The following HACL1 variants were observed in gnomAD, a reference collection of about 807,000 sequenced individuals.
HACL1 encodes 2-hydroxyacyl-CoA lyase 1.
A neutral mutation model predicts 74.2 loss-of-function variants in HACL1; 64 were observed. The observed-to-expected ratio is 0.86, with a 90% confidence interval of 0.70 to 1.06. The LOEUF (loss-of-function observed/expected upper bound fraction) is 1.06, where lower values mean the gene tolerates loss of function less well. Among genes scored for constraint, HACL1 ranks in the 50% least tolerant of loss-of-function variants. The probability of loss-of-function intolerance (pLI) is 0.00; values close to 1 mark genes in which losing one functional copy is unlikely to be tolerated. For missense variants in HACL1, 728 were observed against 719.7 expected, an observed-to-expected ratio of 1.01 and a Z score of -0.13; for synonymous variants, 230 against 238.8, an observed-to-expected ratio of 0.96 and a Z score of 0.34.
At chr3:15,563,156 CTGGTTTGG>C (rs2063373079) in intron 16 of HACL1, among the ~76,000 whole-genome samples, 194 bp downstream of exon 16, 5 of 152,170 alleles carry the variant, frequency 3.3e-5, no homozygotes, top group Admixed American at 3.3e-4. Flanking sequence ...AGGACCGAGC[CTGGTTTGG>C]CTCACCATGC....
Position 15,571,784 on chromosome 3 carries a change from A to AC in HACL1, c.994-16_994-15insG, listed in dbSNP as rs201026573. ...TCCTCTAAAAGCTTAAAAAAAAAAA[A>AC]ACACACACACACAAACACATAAACT... On this transcript the variant is annotated splice_polypyrimidine_tract_variant and intron_variant, in intron 11 of 16. Coordinates refer to ENST00000321169, the MANE Select transcript of HACL1 (RefSeq NM_012260.4). The AC allele has an allele frequency of 4.0e-3, 3,585 of 899,598 alleles. 59 individuals carry two copies. In the African/African-American group the frequency reaches 0.043, roughly 11 times the overall value. 55.7% of individuals were successfully genotyped at this position (899,598 alleles called of 1,614,324 possible).
chr3:15,575,189 A>G, intron 9 of HACL1, 107 bp from the exon 10 acceptor site: 1 of 591,478 alleles, frequency 1.7e-6, no homozygotes, highest in South Asian at 2.5e-5. Flanking sequence ...AGCTTACATC[A>G]GACTTCAGAA....
At chr3:15,574,914 C>T (rs1007473385) in intron 10 of HACL1, 63 bp downstream of exon 10, 25 of 742,718 alleles carry the variant, frequency 3.4e-5, no homozygotes, top group Middle Eastern at 2.4e-4. Context: ...GAGCTGATTA[C>T]GGCTGATAGG....
In HACL1 at chr3:15,563,619, T is replaced by C. The variant is rs969595810; in HGVS notation, c.1518-75A>G. On this transcript the variant is annotated intron_variant, in intron 15 of 16. Transcript: ENST00000321169. The stretch of plus-strand genomic sequence containing the variant: ...GAAAAAAAGTCATTCTCTGAAATAC[T>C]TCATTAAAAAAATTTCAGCTGAACT... 6 of 926,754 alleles carry C rather than the reference T, an allele frequency of 6.5e-6. No individual in the cohort carries two copies. The African/African-American group carries it at 8.4e-5, about 13-fold the overall frequency. The allele number at this position is 926,754 out of a possible 1,614,324, so 57.4% of individuals were successfully genotyped here. A position where few individuals can be genotyped will look rare whatever the true frequency, so the allele number is the denominator to read the frequency against.
At chr3:15,596,963 A>G (rs929418638) in intron 2 of HACL1, among the ~76,000 whole-genome samples, 2 of 152,116 alleles carry the variant, frequency 1.3e-5, no homozygotes, top group Non-Finnish European at 2.9e-5. Flanking sequence ...TTTACTAATA[A>G]TTTGTTTAAA....
rs2063597940 is a variant in HACL1 at position 15,574,995 on chromosome 3, T to C, written c.891A>G (p.Pro297=). 6.5e-7 allele frequency: 1 copy of C among 1,536,640 alleles called. No homozygotes were observed. The highest frequency in any genetic ancestry group is 2.2e-5 in the East Asian group (1 of 44,448). The change falls in exon 10 of 17, where the codon CCA becomes CCG. Residue 297 remains proline, a synonymous_variant. Coordinates refer to ENST00000321169, the MANE Select transcript of HACL1 (RefSeq NM_012260.4). ...TAAGTACCTGGATAAACTTCACATC[T>C]GGCTGATATCTTGGAGGCAGTCCAA... ...LHFGLPPRYQ[P]DVKFIQVDIC... is the part of the protein sequence containing the mutation.
At chr3:15,580,954 C>T (rs187556092) in intron 8 of HACL1, among the ~76,000 whole-genome samples, 218 of 152,346 alleles carry the variant, frequency 1.4e-3, no homozygotes, top group African/African-American at 4.8e-3. Context: ...CAGGCTGGAG[C>T]GCAATGGCGC....
In HACL1 at chr3:15,596,280, AT is replaced by A. The variant is rs902070376; in HGVS notation, c.227+103del. The A allele has an allele frequency of 2.5e-5, 17 of 686,832 alleles. No individual in the cohort carries two copies. In the African/African-American group the frequency reaches 2.7e-4, roughly 11 times the overall value. The allele number at this position is 686,832 out of a possible 1,614,324, so 42.5% of individuals were successfully genotyped here. On this transcript the variant is annotated intron_variant, in intron 3 of 16. Coordinates refer to ENST00000321169, the MANE Select transcript of HACL1 (RefSeq NM_012260.4). Reference sequence around the variant, plus strand: ...TTTTTTATCCTTTGTTATTTAATATATTTTTCTATAATCTTTCCAAATGAAC... The same window carrying A: ...TTTTTTATCCTTTGTTATTTAATATATTTTCTATAATCTTTCCAAATGAAC...
intron 2 of HACL1, among the ~76,000 whole-genome samples, chr3:15,599,402 G>C (rs1339505008): frequency 6.6e-6 from 1 of 152,046 alleles, no homozygotes; most frequent in Non-Finnish European, 1.5e-5. Flanking sequence ...TCGTAGCTGG[G>C]ATTACTGGCA....
chr3:15,583,275 A>G (rs1407472367), intron 7 of HACL1, among the ~76,000 whole-genome samples: 1 of 152,224 alleles, frequency 6.6e-6, no homozygotes, highest in Non-Finnish European at 1.5e-5. Flanking sequence ...ATATTCAACT[A>G]TCACATCATT....
At chr3:15,565,152 A>G (rs1210827549) in intron 14 of HACL1, among the ~76,000 whole-genome samples, 1 of 152,028 alleles carries the variant, frequency 6.6e-6, no homozygotes, top group Non-Finnish European at 1.5e-5. Flanking sequence ...GTAACAGAGC[A>G]AGACTCCATC....
At chr3:15,598,289 GGGATTAC>G (rs2064109446) in intron 2 of HACL1, among the ~76,000 whole-genome samples, 1 of 152,134 alleles carries the variant, frequency 6.6e-6, no homozygotes, top group Non-Finnish European at 1.5e-5. Context: ...CCAAAGTGCT[GGGATTAC>G]AGGCGTGAGC....
chr3:15,601,329 G>A, intron 1 of HACL1, 54 bp downstream of exon 1: 1 of 1,609,134 alleles, frequency 6.2e-7, no homozygotes, highest in East Asian at 2.2e-5. Flanking sequence ...AGACAACATC[G>A]CGGTCCCCGC....
intron 16 of HACL1, among the ~76,000 whole-genome samples, chr3:15,562,385 G>A (rs1053913601): frequency 6.6e-6 from 1 of 152,160 alleles, no homozygotes; most frequent in Non-Finnish European, 1.5e-5. Context: ...CTGCTAGGAA[G>A]TAAATGCCAA....
intron 12 of HACL1, among the ~76,000 whole-genome samples, chr3:15,570,524 C>G (rs1013817125): frequency 6.6e-6 from 1 of 150,694 alleles, no homozygotes; most frequent in Non-Finnish European, 1.5e-5. Context: ...GGTGGAATCA[C>G]GCATAAGACA....
At position 15,601,495 on chromosome 3, in the gene HACL1, G is replaced by C; in HGVS notation, c.-32C>G. 6.2e-7 allele frequency: 1 copy of C among 1,610,792 alleles called. No homozygotes were observed. The highest frequency in any genetic ancestry group is 8.5e-7 in the Non-Finnish European group (1 of 1,180,028). On this transcript the variant is annotated 5_prime_UTR_variant, in exon 1 of 17. Transcript: ENST00000321169. ...CCGAAAAGCTCTAAGCACTCACGCA[G>C]CCGGCAAACAAGCGGAATCATCCAG...
intron 8 of HACL1, among the ~76,000 whole-genome samples, chr3:15,580,298 T>G (rs1421783099): frequency 1.3e-5 from 2 of 152,142 alleles, no homozygotes; most frequent in Admixed American, 6.5e-5. Flanking sequence ...ACTCAGCTAC[T>G]TTTAAAATTT....
intron 2 of HACL1, among the ~76,000 whole-genome samples, chr3:15,600,515 G>A (rs2064187198): frequency 6.6e-6 from 1 of 152,232 alleles, no homozygotes; most frequent in Admixed American, 6.5e-5. Context: ...AAAGGTGGCA[G>A]CATGATGTGG....
intron 10 of HACL1, 70 bp from the exon 11 acceptor site, chr3:15,573,312 T>C (rs1666799580): frequency 1.2e-6 from 1 of 861,610 alleles, no homozygotes; most frequent in Non-Finnish European, 2.0e-6. Flanking sequence ...GCAATTACGA[T>C]TGAATAAATG....
Sources: gnomAD v4.1 joint callset for allele counts (sites outside exome capture counted in the v4.1 genomes callset) on GRCh38, gnomAD v4.1.1 for gene constraint, MANE v1.5 for transcripts, NCBI Gene and HGNC (gene_info 2026-07-23, HGNC 2026-07-21) for gene names.